UTY: variants seen among roughly 807,000 people sequenced by gnomAD.
UTY encodes the protein ubiquitously transcribed tetratricopeptide repeat containing, Y-linked.
Under a neutral mutation model 32.5 loss-of-function variants are expected in UTY, and 12 were observed. The ratio of observed to expected loss-of-function variants is 0.37; its 90% CI spans 0.24 to 0.60. The LOEUF is 0.60. Ranked by LOEUF, UTY falls within the 20% of genes least tolerant of loss-of-function variation. The pLI, the probability that UTY is intolerant of heterozygous loss-of-function variation, is 0.69. For missense variants in UTY, 303 were observed against 299.2 expected, an observed-to-expected ratio of 1.01 and a Z score of -0.09; for synonymous variants, 131 against 103.4, an observed-to-expected ratio of 1.27 and a Z score of -1.62.
chrY:13,237,942 C>T (rs2053865978), intron 28 of UTY, among the ~76,000 whole-genome samples: 2 of 33,789 alleles, frequency 5.9e-5, no homozygotes, highest in Non-Finnish European at 1.5e-4. Context: ...GTCCCCAAGA[C>T]GTAGTTGTGA....
At chrY:13,365,336 C>T (rs774645851) in intron 10 of UTY, among the ~76,000 whole-genome samples, 66 of 27,233 alleles carry the variant, frequency 2.4e-3, no homozygotes, top group African/African-American at 9.3e-3. Context: ...CACTTAAGCC[C>T]GGGAGGCAGA....
chrY:13,308,803 A>G (rs745871715), intron 21 of UTY, among the ~76,000 whole-genome samples: 1 of 33,911 alleles, frequency 2.9e-5, no homozygotes, highest in East Asian at 7.6e-4. Context: ...AACTGATGAC[A>G]GAGTTCCTCC....
chrY:13,380,540 T>C (rs759279119), intron 8 of UTY, among the ~76,000 whole-genome samples: 1 of 32,422 alleles, frequency 3.1e-5, no homozygotes, highest in Admixed American at 2.8e-4. Context: ...ACATAAAATA[T>C]TTGAAACGAA....
intron 28 of UTY, among the ~76,000 whole-genome samples, chrY:13,237,223 G>A (rs969562213): frequency 4.1e-4 from 14 of 34,014 alleles, no homozygotes; most frequent in Non-Finnish European, 9.5e-4. Context: ...GTAGACTAAA[G>A]ATGAACATGT....
chrY:13,467,701 C>G, intron 3 of UTY, among the ~76,000 whole-genome samples: 1 of 29,809 alleles, frequency 3.4e-5, no homozygotes, highest in South Asian at 7.6e-4. Context: ...AACAGGTAGG[C>G]AGAGGTTGCA....
intron 3 of UTY, among the ~76,000 whole-genome samples, chrY:13,460,870 AAAAT>A (rs2077291422): frequency 3.0e-5 from 1 of 33,505 alleles, no homozygotes; most frequent in African/African-American, 1.2e-4. Context: ...TCTTAACACC[AAAAT>A]AAATAGAAAT....
At chrY:13,476,657 T>C (rs2079091465) in intron 2 of UTY, among the ~76,000 whole-genome samples, 1 of 33,888 alleles carries the variant, frequency 3.0e-5, no homozygotes, top group South Asian at 6.3e-4. Context: ...ATTATTTAAA[T>C]ACGAGCAAGT....
At chrY:13,345,065 C>T in intron 17 of UTY, among the ~76,000 whole-genome samples, 1 of 33,511 alleles carries the variant, frequency 3.0e-5, no homozygotes, top group Non-Finnish European at 7.4e-5. Context: ...CCCTTCCAAC[C>T]TGGAAACTCT....
intron 29 of UTY, 145 bp downstream of exon 29, chrY:13,250,872 G>A (rs978837686): frequency 5.5e-4 from 76 of 137,355 alleles, no homozygotes; most frequent in Non-Finnish European, 8.7e-4. Context: ...TACGAGGATG[G>A]CTACTAATAT....
downstream of UTY, among the ~76,000 whole-genome samples, chrY:13,243,714 A>C: frequency 3.0e-5 from 1 of 33,773 alleles, no homozygotes; most frequent in African/African-American, 1.2e-4. Context: ...AACATGTCTA[A>C]GCATGAGGAT....
chrY:13,317,502 T>C (rs2059563648), intron 21 of UTY, among the ~76,000 whole-genome samples: 2 of 33,725 alleles, frequency 5.9e-5, no homozygotes, highest in African/African-American at 2.3e-4. Context: ...AAAGTTAGTT[T>C]GGCCTACACC....
At chrY:13,314,368 T>C (rs761539052) in intron 21 of UTY, among the ~76,000 whole-genome samples, 65 of 33,392 alleles carry the variant, frequency 1.9e-3, no homozygotes, top group African/African-American at 7.1e-3. Flanking sequence ...GAGCCGAGAT[T>C]GTGCCACTGC....
At chrY:13,416,608 C>G in intron 4 of UTY, among the ~76,000 whole-genome samples, 2 of 33,682 alleles carry the variant, frequency 5.9e-5, no homozygotes, top group African/African-American at 1.2e-4. Context: ...TCTTTAGTCA[C>G]TGCATTCCAA....
chrY:13,298,002 T>TA (rs757920745), intron 26 of UTY, among the ~76,000 whole-genome samples, 154 bp from the exon 27 acceptor site: 15 of 32,587 alleles, frequency 4.6e-4, no homozygotes, highest in Admixed American at 2.2e-3. Flanking sequence ...TAACTTTGGT[T>TA]AAAAAAAAAC....
chrY:13,285,266 A>G, intron 27 of UTY, among the ~76,000 whole-genome samples: 1 of 33,401 alleles, frequency 3.0e-5, no homozygotes, highest in Non-Finnish European at 7.4e-5. Flanking sequence ...CTTGTGCATT[A>G]GTCCATTTAG....
intron 27 of UTY, among the ~76,000 whole-genome samples, chrY:13,272,409 T>A (rs915442922): frequency 3.0e-5 from 1 of 33,692 alleles, no homozygotes; most frequent in Admixed American, 2.7e-4. Context: ...TAACTGGCCA[T>A]GAGACTCCAA....
chrY:13,477,942 G>A, intron 2 of UTY, among the ~76,000 whole-genome samples: 1 of 33,003 alleles, frequency 3.0e-5, no homozygotes, highest in Non-Finnish European at 7.4e-5. Flanking sequence ...AAATAAAGTG[G>A]ATTTACTAAC....
At chrY:13,270,040 CT>C (rs2056196435) in intron 27 of UTY, among the ~76,000 whole-genome samples, 5 of 33,782 alleles carry the variant, frequency 1.5e-4, no homozygotes, top group African/African-American at 5.8e-4. Flanking sequence ...TTTTTTAAGA[CT>C]TTTTTTTAGT....
At chrY:13,278,340 T>C in intron 27 of UTY, among the ~76,000 whole-genome samples, 1 of 33,632 alleles carries the variant, frequency 3.0e-5, no homozygotes, top group Non-Finnish European at 7.4e-5. Flanking sequence ...TGAGGAAATA[T>C]TCCTTCTGTT....
Sources: gnomAD v4.1 joint callset for allele counts (sites outside exome capture counted in the v4.1 genomes callset) on GRCh38, gnomAD v4.1.1 for gene constraint, MANE v1.5 for transcripts, NCBI Gene and HGNC (gene_info 2026-07-23, HGNC 2026-07-21) for gene names.